The following PEAK1 variants were observed in gnomAD, a reference collection of about 807,000 sequenced individuals.
PEAK1 encodes the protein pseudopodium enriched atypical kinase 1, also known as inactive tyrosine-protein kinase PEAK1.
Under a neutral mutation model 124.7 loss-of-function variants are expected in PEAK1, and 54 were observed. That is an observed-to-expected ratio of 0.43 (90% confidence interval 0.35 to 0.54). The LOEUF is 0.54. Among genes scored for constraint, PEAK1 ranks in the 20% least tolerant of loss-of-function variants. The pLI, the probability that PEAK1 is intolerant of heterozygous loss-of-function variation, is 0.01. For missense variants in PEAK1, 2,046 were observed against 2,134.5 expected (o/e 0.96, Z 0.82); for synonymous variants, 719 against 760.0 (o/e 0.95, Z 0.89).
At chr15:77,169,439 A>C (rs2056352113) in intron 7 of PEAK1, among the ~76,000 whole-genome samples, 1 of 152,254 alleles carries the variant, frequency 6.6e-6, no homozygotes, top group South Asian at 2.1e-4. Context: ...AGTTTTAATC[A>C]ATAACCAAGT....
chr15:77,159,008 C>T (rs12910419), intron 7 of PEAK1, among the ~76,000 whole-genome samples: 41,484 of 152,028 alleles, frequency 0.27, 6,699 homozygotes, highest in Middle Eastern at 0.38. Flanking sequence ...GAATGTTTAA[C>T]TGGCTAAAGA....
intron 1 of PEAK1, among the ~76,000 whole-genome samples, chr15:77,368,845 A>C (rs1294491833): frequency 6.6e-6 from 1 of 152,212 alleles, no homozygotes; most frequent in Non-Finnish European, 1.5e-5. Context: ...TCATGACAGA[A>C]AAATCTGAGA....
chr15:77,207,562 C>A (rs866408843), intron 6 of PEAK1, among the ~76,000 whole-genome samples: 1 of 152,012 alleles, frequency 6.6e-6, no homozygotes, highest in Non-Finnish European at 1.5e-5. Context: ...GTGAAAGAGG[C>A]CAATCAATCT....
intron 1 of PEAK1, among the ~76,000 whole-genome samples, chr15:77,383,116 C>T (rs529447438): frequency 1.3e-5 from 2 of 151,296 alleles, no homozygotes; most frequent in East Asian, 3.9e-4. Context: ...CTCCGTTGCC[C>T]GGGTTCAAGC....
At chr15:77,217,943 T>C (rs1208267154) in intron 6 of PEAK1, among the ~76,000 whole-genome samples, 1 of 152,194 alleles carries the variant, frequency 6.6e-6, no homozygotes, top group Non-Finnish European at 1.5e-5. Context: ...TATATAGAAA[T>C]GAAGTGATTT....
At chr15:77,377,448 T>C (rs1422694816) in intron 1 of PEAK1, among the ~76,000 whole-genome samples, 1 of 151,736 alleles carries the variant, frequency 6.6e-6, no homozygotes, top group East Asian at 1.9e-4. Flanking sequence ...TACAATGTTA[T>C]ATATACTCTT....
chr15:77,163,717 G>C (rs572977370), intron 7 of PEAK1, among the ~76,000 whole-genome samples: 1 of 152,250 alleles, frequency 6.6e-6, no homozygotes, highest in South Asian at 2.1e-4. Flanking sequence ...CTTCAGATGA[G>C]ACAATAAGTA....
chr15:77,272,066 G>A (rs1166592776), intron 5 of PEAK1, among the ~76,000 whole-genome samples: 1 of 152,130 alleles, frequency 6.6e-6, no homozygotes, highest in Non-Finnish European at 1.5e-5. Context: ...TATTTGAACT[G>A]AACGATAATA....
At chr15:77,407,898 T>TATA (rs1243807157) in intron 1 of PEAK1, among the ~76,000 whole-genome samples, 1 of 142,446 alleles carries the variant, frequency 7.0e-6, no homozygotes, top group African/African-American at 2.6e-5. Flanking sequence ...TATATATATA[T>TATA]ATACACATAT....
At chr15:77,323,059 A>G (rs1252804079) in intron 2 of PEAK1, among the ~76,000 whole-genome samples, 2 of 152,168 alleles carry the variant, frequency 1.3e-5, no homozygotes, top group Non-Finnish European at 2.9e-5. Context: ...TAGATGCAGA[A>G]AAGGCCTTTG....
intron 7 of PEAK1, among the ~76,000 whole-genome samples, chr15:77,174,104 TC>T (rs1596466335): frequency 6.6e-6 from 1 of 152,170 alleles, no homozygotes; most frequent in East Asian, 1.9e-4. Flanking sequence ...GGATAATGTT[TC>T]CCCCTATTTG....
chr15:77,237,883 T>C (rs1301159747), intron 6 of PEAK1, among the ~76,000 whole-genome samples: 3 of 152,210 alleles, frequency 2.0e-5, no homozygotes, highest in African/African-American at 7.2e-5. Flanking sequence ...TTTATTTGCC[T>C]GATTAATCTT....
At chr15:77,340,885 TC>T (rs1214958147) in intron 2 of PEAK1, among the ~76,000 whole-genome samples, 1 of 151,412 alleles carries the variant, frequency 6.6e-6, no homozygotes, top group African/African-American at 2.4e-5. Context: ...TTTCCATGAC[TC>T]CCTCAAGTTC....
chr15:77,178,827 G>A lies in PEAK1; in HGVS notation c.3100C>T (p.His1034Tyr). The part of the protein sequence containing the change: ...LLQDSEKKRS[H>Y]SSPSQIPKKI... ...TTAGGAATCTGTGATGGAGAAGAAT[G>A]ACTCCTCTTCTTCTCTGAGTCCTGT... The change falls in exon 7 of 10, where the codon CAT becomes TAT. Residue 1034 changes from histidine (H) to tyrosine (Y), a missense_variant. His to Tyr is a moderately conservative substitution (Grantham distance 83). Transcript: ENST00000682557. The A allele has an allele frequency of 6.2e-7, 1 of 1,613,482 alleles. No individual in the cohort carries two copies. Among genetic ancestry groups the A allele is most frequent in the Non-Finnish European group, 8.5e-7 (1 of 1,179,556 alleles).
chr15:77,360,489 A>G (rs2067817575), intron 2 of PEAK1, among the ~76,000 whole-genome samples: 1 of 152,220 alleles, frequency 6.6e-6, no homozygotes, highest in South Asian at 2.1e-4. Flanking sequence ...CAGCCAATAT[A>G]TATACACATA....
chr15:77,203,765 C>T (rs1261940068), intron 6 of PEAK1, among the ~76,000 whole-genome samples: 1 of 150,892 alleles, frequency 6.6e-6, no homozygotes, highest in African/African-American at 2.4e-5. Context: ...GAAATTAACT[C>T]CCAGTGAATC....
intron 2 of PEAK1, among the ~76,000 whole-genome samples, chr15:77,329,703 T>C (rs1297732761): frequency 6.6e-6 from 1 of 152,222 alleles, no homozygotes; most frequent in Non-Finnish European, 1.5e-5. Flanking sequence ...TTGAACTATA[T>C]TGCACAGTTT....
chr15:77,366,564 G>A (rs1277901318), intron 1 of PEAK1, among the ~76,000 whole-genome samples: 2 of 151,530 alleles, frequency 1.3e-5, no homozygotes, highest in South Asian at 2.1e-4. Flanking sequence ...TTTGTTTTTC[G>A]GGTTTTTCTG....
chr15:77,107,990 A>G (rs1396446617), downstream of PEAK1: 1 of 152,286 alleles, frequency 6.6e-6, no homozygotes, highest in East Asian at 1.9e-4. Context: ...CCATGTCAGC[A>G]GGGGATGAGG....
Sources: gnomAD v4.1 joint callset for allele counts (sites outside exome capture counted in the v4.1 genomes callset) on GRCh38, gnomAD v4.1.1 for gene constraint, MANE v1.5 for transcripts, NCBI Gene and HGNC (gene_info 2026-07-23, HGNC 2026-07-21) for gene names.